Variants in PDE4B observed in about 807,000 individuals in gnomAD.
The protein encoded by PDE4B is 3',5'-cyclic-AMP phosphodiesterase 4B.
Under a neutral mutation model 82.2 loss-of-function variants are expected in PDE4B, and 20 were observed. The observed-to-expected ratio is 0.24, with a 90% confidence interval of 0.17 to 0.35. PDE4B has a LOEUF of 0.35. Among genes scored for constraint, PDE4B ranks in the 10% least tolerant of loss-of-function variants. The probability of loss-of-function intolerance (pLI) is 1.00; values close to 1 mark genes in which losing one functional copy is unlikely to be tolerated. For synonymous variants in PDE4B, 320 were observed against 318.9 expected (o/e 1.00, Z -0.04); for missense variants, 655 against 907.2 (o/e 0.72, Z 3.57).
At chr1:65,844,908 C>T (rs1410012053) in intron 1 of PDE4B, among the ~76,000 whole-genome samples, 1 of 152,092 alleles carries the variant, frequency 6.6e-6, no homozygotes, top group African/African-American at 2.4e-5. Flanking sequence ...TAAAGCAGCT[C>T]TATTTAGGAG....
intron 3 of PDE4B, among the ~76,000 whole-genome samples, chr1:66,075,961 T>A (rs1252636469): frequency 2.0e-5 from 3 of 151,710 alleles, no homozygotes; most frequent in Non-Finnish European, 4.4e-5. Flanking sequence ...GCAAAACAAG[T>A]CTGGGAGCTG....
intron 1 of PDE4B, among the ~76,000 whole-genome samples, chr1:65,900,584 T>C (rs1177760929): frequency 6.6e-6 from 1 of 152,170 alleles, no homozygotes; most frequent in Non-Finnish European, 1.5e-5. Context: ...CTCAAATCTA[T>C]GAGCATGGAA....
intron 3 of PDE4B, chr1:66,049,000 G>C (rs141313115): frequency 7.4e-4 from 113 of 152,106 alleles, no homozygotes; most frequent in African/African-American, 2.4e-3. Context: ...GATTTATCCA[G>C]TAATGCATTG....
At chr1:66,224,949 G>C (rs1651315143) in intron 3 of PDE4B, among the ~76,000 whole-genome samples, 1 of 152,144 alleles carries the variant, frequency 6.6e-6, no homozygotes, top group South Asian at 2.1e-4. Context: ...GAAATCACAA[G>C]AGAGCTAATT....
intron 3 of PDE4B, among the ~76,000 whole-genome samples, chr1:66,087,881 G>T (rs938193201): frequency 9.2e-5 from 10 of 108,228 alleles, no homozygotes; most frequent in African/African-American, 3.1e-4. Context: ...GGTGGGGGGA[G>T]GGGGGAGGGA....
intron 3 of PDE4B, among the ~76,000 whole-genome samples, chr1:65,929,530 A>G (rs1411096870): frequency 1.3e-5 from 2 of 152,144 alleles, no homozygotes; most frequent in Non-Finnish European, 2.9e-5. Flanking sequence ...CTGTTTTTCC[A>G]TAATTCCCGC....
At chr1:66,137,188 G>C (rs577551545) in intron 3 of PDE4B, among the ~76,000 whole-genome samples, 54 of 152,224 alleles carry the variant, frequency 3.5e-4, no homozygotes, top group African/African-American at 1.3e-3. Context: ...TATTTGAAGA[G>C]CCAGGAAGGA....
At chr1:65,808,129 T>C (rs1185122464) in intron 1 of PDE4B, among the ~76,000 whole-genome samples, 1 of 151,816 alleles carries the variant, frequency 6.6e-6, no homozygotes, top group Non-Finnish European at 1.5e-5. Context: ...TCAGTGAGGA[T>C]TAAAGGGAGT....
At chr1:66,254,102 G>C (rs904652482) in intron 4 of PDE4B, among the ~76,000 whole-genome samples, 1 of 152,072 alleles carries the variant, frequency 6.6e-6, no homozygotes, top group Non-Finnish European at 1.5e-5. Context: ...CTGGAAATCC[G>C]GGAGTCATAG....
At chr1:65,935,810 G>A (rs1157445367) in intron 3 of PDE4B, among the ~76,000 whole-genome samples, 10 of 152,126 alleles carry the variant, frequency 6.6e-5, no homozygotes, top group Middle Eastern at 3.4e-3. Context: ...GGTGGCATAT[G>A]CCTGTAATCC....
chr1:65,886,992 G>A (rs914105005), intron 1 of PDE4B, among the ~76,000 whole-genome samples: 9 of 152,102 alleles, frequency 5.9e-5, no homozygotes, highest in African/African-American at 2.2e-4. Flanking sequence ...CACCAACAGT[G>A]TGTAAGAGTT....
chr1:66,170,980 G>C (rs1224288303), intron 3 of PDE4B, among the ~76,000 whole-genome samples: 1 of 152,160 alleles, frequency 6.6e-6, no homozygotes, highest in East Asian at 1.9e-4. Flanking sequence ...AGGCTTTTTG[G>C]AGAGCAGAAA....
At chr1:66,038,576 T>C (rs548628903) in intron 3 of PDE4B, among the ~76,000 whole-genome samples, 4 of 152,254 alleles carry the variant, frequency 2.6e-5, no homozygotes, top group African/African-American at 9.6e-5. Flanking sequence ...ATCTGCAAGA[T>C]ATCTGAGATG....
At chr1:66,287,771 C>A (rs1173297418) in intron 7 of PDE4B, among the ~76,000 whole-genome samples, 1 of 152,062 alleles carries the variant, frequency 6.6e-6, no homozygotes, top group Non-Finnish European at 1.5e-5. Flanking sequence ...AGTTTGAGAG[C>A]AGCCTGGGCA....
At chr1:65,906,093 T>C (rs987584215) in intron 1 of PDE4B, among the ~76,000 whole-genome samples, 7 of 152,168 alleles carry the variant, frequency 4.6e-5, no homozygotes, top group Admixed American at 3.3e-4. Flanking sequence ...TGAAAGTTGG[T>C]AATATTAATT....
rs190548857 is a variant in PDE4B at position 66,029,097 on chromosome 1, A to G, written c.281+110262A>G. Among the ~76,000 whole-genome samples the G allele has an allele frequency of 5.3e-5, 8 of 152,326 alleles. No homozygotes were observed. The East Asian group carries it at 1.5e-3, about 29-fold the overall frequency. On this transcript the variant is annotated intron_variant, in intron 3 of 16. Transcript: ENST00000341517. ...ATAACCAAGACTGGGAAGGAAAAAAAGTTTATTTAGACTTACAGTTCCACA... is the reference window on the plus strand; with the variant it reads ...ATAACCAAGACTGGGAAGGAAAAAAGGTTTATTTAGACTTACAGTTCCACA...
intron 8 of PDE4B, among the ~76,000 whole-genome samples, chr1:66,337,404 A>C (rs1350393114): frequency 6.6e-6 from 1 of 152,172 alleles, no homozygotes; most frequent in Non-Finnish European, 1.5e-5. Context: ...TCCCGGCCAC[A>C]CAAGCCTCTT....
chr1:65,839,645 C>T (rs1470824865), intron 1 of PDE4B, among the ~76,000 whole-genome samples: 3 of 152,112 alleles, frequency 2.0e-5, no homozygotes. Context: ...TGTCTATGTG[C>T]CACATTTTCT....
At chr1:66,037,506 G>GT (rs980774796) in intron 3 of PDE4B, among the ~76,000 whole-genome samples, 3 of 151,798 alleles carry the variant, frequency 2.0e-5, no homozygotes, top group Non-Finnish European at 4.4e-5. Flanking sequence ...AGTTCTAGTA[G>GT]TTTTTTTTGG....
Sources: gnomAD v4.1 joint callset for allele counts (sites outside exome capture counted in the v4.1 genomes callset) on GRCh38, gnomAD v4.1.1 for gene constraint, MANE v1.5 for transcripts, NCBI Gene and HGNC (gene_info 2026-07-23, HGNC 2026-07-21) for gene names.